Variants in LAMB4 observed in about 807,000 individuals in gnomAD.
LAMB4 encodes laminin subunit beta 4.
LAMB4 carries 196 observed loss-of-function variants against 199.2 expected under a neutral mutation model. The ratio of observed to expected loss-of-function variants is 0.98; its 90% confidence interval spans 0.88 to 1.11. The LOEUF (loss-of-function observed/expected upper bound fraction) is 1.11. LAMB4 is among the 50% of genes least tolerant of loss of function. The pLI is 0.00. For synonymous variants in LAMB4, 744 were observed against 770.6 expected (o/e 0.97, Z 0.57); for missense variants, 2,080 against 2,171.2 (o/e 0.96, Z 0.83).
At chr7:108,126,752 T>C (rs1237126229) in intron 1 of LAMB4, among the ~76,000 whole-genome samples, 2 of 149,800 alleles carry the variant, frequency 1.3e-5, no homozygotes, top group Admixed American at 1.3e-4. Flanking sequence ...GTATTTTTAG[T>C]AGAGACGGGG....
In LAMB4 at chr7:108,037,426, A is replaced by G. The variant is rs1239202402; in HGVS notation, c.4641T>C (p.Asp1547=). ...TDENRLNEEA[D]GAQKLLVKAK... is the part of the protein sequence containing the mutation. The stretch of plus-strand genomic sequence containing the variant: ...CCTTCACCAAAAGCTTTTGGGCTCC[A>G]TCTGCTTCTTCATTTAACCTGTTTT... The change falls in exon 30 of 34, where the codon GAT becomes GAC. Residue 1547 remains aspartate, a synonymous_variant. Transcript: ENST00000388781. The G allele has an allele frequency of 2.5e-6, 4 of 1,614,086 alleles. No homozygotes were observed. Among genetic ancestry groups the G allele is most frequent in the Admixed American group, 1.7e-5 (1 of 60,002 alleles).
intron 14 of LAMB4, among the ~76,000 whole-genome samples, chr7:108,089,314 C>T (rs1267269057): frequency 6.6e-6 from 1 of 152,138 alleles, no homozygotes; most frequent in African/African-American, 2.4e-5. Flanking sequence ...AGTTTAGCCT[C>T]TTTAGCAGGA....
intron 11 of LAMB4, among the ~76,000 whole-genome samples, chr7:108,096,218 A>T (rs1181655747): frequency 6.6e-6 from 1 of 152,136 alleles, no homozygotes; most frequent in African/African-American, 2.4e-5. Context: ...TCTGATTTTG[A>T]CTACTCTGGG....
At chr7:108,076,301 A>T (rs1193160278) in intron 17 of LAMB4, among the ~76,000 whole-genome samples, 2 of 152,124 alleles carry the variant, frequency 1.3e-5, no homozygotes, top group Non-Finnish European at 2.9e-5. Context: ...ACAGAGTAAG[A>T]AGTTTGGAAG....
intron 17 of LAMB4, among the ~76,000 whole-genome samples, chr7:108,072,478 G>C (rs1456167446): frequency 2.0e-5 from 3 of 152,140 alleles, no homozygotes; most frequent in Non-Finnish European, 2.9e-5. Flanking sequence ...TTTCATTTCA[G>C]GATGGTAAGG....
intron 31 of LAMB4, among the ~76,000 whole-genome samples, chr7:108,031,581 A>C (rs2035043226): frequency 1.3e-5 from 2 of 151,968 alleles, no homozygotes; most frequent in African/African-American, 4.8e-5. Flanking sequence ...TTTTTCTACA[A>C]CCTATGCAGT....
chr7:108,038,905 A>G (rs1441029502), intron 29 of LAMB4, among the ~76,000 whole-genome samples: 1 of 152,232 alleles, frequency 6.6e-6, no homozygotes, highest in African/African-American at 2.4e-5. Context: ...GTGAGGACCT[A>G]TAAGTCATTA....
intron 10 of LAMB4, among the ~76,000 whole-genome samples, chr7:108,102,467 T>C (rs2037848228): frequency 6.6e-6 from 1 of 152,180 alleles, no homozygotes; most frequent in African/African-American, 2.4e-5. Context: ...GGGACAGTTG[T>C]GTACCTGAGA....
chr7:108,023,964 G>A lies in LAMB4; in HGVS notation c.*75C>T, dbSNP rs748531132. On this transcript the variant is annotated 3_prime_UTR_variant, in exon 34 of 34. Coordinates refer to ENST00000388781, the MANE Select transcript of LAMB4 (RefSeq NM_007356.3). ...TAGAAGACATTGTCAGTATTTCACA[G>A]GTTCAACAGAGCCCCAGGGGCTTGT... 28 of 1,284,226 alleles carry A rather than the reference G, an allele frequency of 2.2e-5. No individual in the cohort carries two copies. The highest frequency in any genetic ancestry group is 3.0e-5 in the Non-Finnish European group (28 of 939,532). The allele number at this position is 1,284,226 out of a possible 1,614,324, so 79.6% of individuals were successfully genotyped here.
chr7:108,062,180 C>T (rs935539265), intron 23 of LAMB4, among the ~76,000 whole-genome samples: 1 of 152,156 alleles, frequency 6.6e-6, no homozygotes, highest in African/African-American at 2.4e-5. Flanking sequence ...AAATTCTGTG[C>T]CCACTGGTTT....
At chr7:108,069,914 A>T (rs918124510) in intron 17 of LAMB4, 29 bp from the exon 18 acceptor site, 1 of 1,580,648 alleles carries the variant, frequency 6.3e-7, no homozygotes, top group Non-Finnish European at 8.7e-7. Context: ...AAGACTTAAC[A>T]TTCAAACTAT....
At chr7:108,018,069 G>C in the LAMB4 span, among the ~76,000 whole-genome samples, 1 of 152,186 alleles carries the variant, frequency 6.6e-6, no homozygotes, top group East Asian at 1.9e-4. Context: ...GCAAGGAGTT[G>C]GGGTACCCGC....
chr7:108,066,653 G>C, intron 19 of LAMB4, 53 bp from the exon 20 acceptor site: 1 of 1,187,324 alleles, frequency 8.4e-7, no homozygotes, highest in Non-Finnish European at 1.2e-6. Flanking sequence ...GTGTGTGGTG[G>C]TGAAAGAGTT....
At chr7:108,020,922 A>G (rs73726677), downstream of LAMB4, among the ~76,000 whole-genome samples, 5,929 of 152,242 alleles carry the variant, frequency 0.039, 392 homozygotes, top group African/African-American at 0.13. Context: ...GGTGTAATTG[A>G]TCCTGACAAA....
Position 108,111,830 on chromosome 7 carries a change from T to C in LAMB4, c.309A>G (p.Lys103=). 6.2e-7 allele frequency: 1 copy of C among 1,612,262 alleles called. No homozygotes were observed. Among genetic ancestry groups the C allele is most frequent in the Non-Finnish European group, 8.5e-7 (1 of 1,179,422 alleles). Residue 103 remains lysine (K), a synonymous_variant, in exon 4 of 34, where the codon AAA becomes AAG. Transcript: ENST00000388781. ...TCATACCATTTTCAGATTGCCACCA[T>C]TTCTTTTCTCTGTCTGGTTCAAAAC... ...IVSFEPDREK[K]WWQSENGLDH...
At chr7:108,128,863 T>C (rs909391597) in intron 1 of LAMB4, among the ~76,000 whole-genome samples, 1 of 152,048 alleles carries the variant, frequency 6.6e-6, no homozygotes, top group Admixed American at 6.5e-5. Flanking sequence ...TAGTAATATA[T>C]GTAAAAGTGA....
intron 17 of LAMB4, 38 bp from the exon 18 acceptor site, chr7:108,069,923 A>C: frequency 6.4e-7 from 1 of 1,554,276 alleles, no homozygotes; most frequent in East Asian, 2.3e-5. Flanking sequence ...CATTCAAACT[A>C]TCTGCTGTGT....
At chr7:108,031,067 G>T (rs916287779) in intron 31 of LAMB4, 88 bp from the exon 32 acceptor site, 10 of 1,109,352 alleles carry the variant, frequency 9.0e-6, no homozygotes, top group Non-Finnish European at 1.3e-5. Context: ...TGAAAAATAT[G>T]CTGGGTGTAA....
At chr7:108,074,119 C>T (rs1481954759) in intron 17 of LAMB4, among the ~76,000 whole-genome samples, 1 of 152,160 alleles carries the variant, frequency 6.6e-6, no homozygotes, top group African/African-American at 2.4e-5. Flanking sequence ...GTTCCTTCCC[C>T]TGTCCTCCCC....
Sources: allele counts gnomAD v4.1 joint callset (sites outside exome capture counted in the v4.1 genomes callset), GRCh38; gene constraint gnomAD v4.1.1; transcripts MANE v1.5; gene names NCBI Gene and HGNC (gene_info 2026-07-23, HGNC 2026-07-21).